The following TPTE2 variants were observed in gnomAD, a reference collection of about 807,000 sequenced individuals.
TPTE2 encodes the protein transmembrane phosphoinositide 3-phosphatase and tensin homolog 2, also known as phosphatidylinositol 3,4,5-trisphosphate 3-phosphatase TPTE2.
A neutral mutation model predicts 78.6 loss-of-function variants in TPTE2; 53 were observed. The ratio of observed to expected loss-of-function variants is 0.67; its 90% CI spans 0.54 to 0.85. The LOEUF (loss-of-function observed/expected upper bound fraction) is 0.85, where lower values mean the gene tolerates loss of function less well. TPTE2 is among the 40% of genes least tolerant of loss of function. The pLI is 0.00. For synonymous variants in TPTE2, 175 were observed against 206.2 expected (o/e 0.85, Z 1.30); for missense variants, 461 against 623.0 (o/e 0.74, Z 2.77).
chr13:19,504,296 T>C (rs1364098314), upstream of TPTE2, among the ~76,000 whole-genome samples: 5 of 152,114 alleles, frequency 3.3e-5, no homozygotes, highest in African/African-American at 1.2e-4. Context: ...ACAAATCCCC[T>C]TGACCTCATC....
chr13:19,437,664 G>C (rs139877070), intron 14 of TPTE2, among the ~76,000 whole-genome samples: 1,646 of 152,224 alleles, frequency 0.011, 31 homozygotes, highest in African/African-American at 0.036. Flanking sequence ...AGGGAAGCAT[G>C]TTGATTACTG....
At chr13:19,553,146 ATACTGAG>A in the TPTE2 span, among the ~76,000 whole-genome samples, 1 of 151,876 alleles carries the variant, frequency 6.6e-6, no homozygotes, top group Non-Finnish European at 1.5e-5. Flanking sequence ...CTGCCAATGA[ATACTGAG>A]TACTTCCTCT....
intron 5 of TPTE2, among the ~76,000 whole-genome samples, chr13:19,474,647 A>G (rs1879828544): frequency 6.6e-6 from 1 of 152,232 alleles, no homozygotes; most frequent in Non-Finnish European, 1.5e-5. Flanking sequence ...CTTGAACTCT[A>G]AAGTACTTCC....
chr13:19,533,736 G>C (rs1042146418), intron 1 of TPTE2, among the ~76,000 whole-genome samples: 17 of 152,186 alleles, frequency 1.1e-4, no homozygotes, highest in African/African-American at 3.6e-4. Flanking sequence ...TCATGGCAGG[G>C]ATTTGAACTG....
rs1446496385 is a variant in TPTE2 at position 19,486,805 on chromosome 13, T to C, written c.120-4258A>G. ...TGACTTCTCAGCTGTCCTGGATGTG[T>C]TTCTGCTGGGGGTAGTCCATAGAGC... is the stretch of plus-strand genomic sequence containing the variant. On this transcript the variant is annotated intron_variant, in intron 3 of 19. Coordinates refer to ENST00000400230, the Ensembl canonical transcript of TPTE2. This position sits in a 1 kb window ranked among gnomAD's most constrained non-coding sequence, Gnocchi z 4.3. 8.5e-5 allele frequency among the ~76,000 whole-genome samples: 13 copies of C among 152,222 alleles called. No homozygotes were observed. Among genetic ancestry groups the C allele is most frequent in the Admixed American group, 5.9e-4 (9 of 15,302 alleles).
chr13:19,506,160 C>CT (rs71092369), upstream of TPTE2, among the ~76,000 whole-genome samples: 1,556 of 32,580 alleles, frequency 0.048, 630 homozygotes, highest in African/African-American at 0.13. Context: ...GTATATAAAT[C>CT]TTTTTTTTTT....
chr13:19,454,504 G>C (rs1207436432), intron 10 of TPTE2, among the ~76,000 whole-genome samples: 1 of 152,146 alleles, frequency 6.6e-6, no homozygotes, highest in African/African-American at 2.4e-5. Flanking sequence ...CTTAGATTTG[G>C]GGCTGCACTC....
chr13:19,498,215 A>T (rs554476589), intron 1 of TPTE2, among the ~76,000 whole-genome samples: 1 of 152,298 alleles, frequency 6.6e-6, no homozygotes, highest in Admixed American at 6.5e-5. Context: ...CCAAGTTGGA[A>T]AAAACACTGC....
chr13:19,460,011 G>C (rs550784236), intron 10 of TPTE2, among the ~76,000 whole-genome samples: 64 of 152,330 alleles, frequency 4.2e-4, no homozygotes, highest in Admixed American at 1.0e-3. Flanking sequence ...GGGGCCTGCA[G>C]AATGATGCTG....
intron 1 of TPTE2, among the ~76,000 whole-genome samples, chr13:19,523,459 A>G (rs767959998): frequency 3.3e-5 from 5 of 152,044 alleles, no homozygotes; most frequent in Non-Finnish European, 7.4e-5. Flanking sequence ...TCACTTCCAA[A>G]TACACTTTTA....
the TPTE2 span, chr13:19,561,254 A>T: frequency 7.8e-7 from 1 of 1,286,094 alleles, no homozygotes; most frequent in Non-Finnish European, 1.1e-6. Context: ...ACCTGGCTGG[A>T]CATGGCGCTG....
intron 6 of TPTE2, among the ~76,000 whole-genome samples, chr13:19,472,216 T>A (rs1188711084): frequency 6.6e-6 from 1 of 152,172 alleles, no homozygotes; most frequent in East Asian, 1.9e-4. Flanking sequence ...TATCTTTCTG[T>A]AGGTTTGGGA....
the TPTE2 span, among the ~76,000 whole-genome samples, chr13:19,542,418 C>A: frequency 6.6e-6 from 1 of 152,120 alleles, no homozygotes; most frequent in Non-Finnish European, 1.5e-5. Flanking sequence ...TAAATCTGGA[C>A]AGAAATTTAT....
chr13:19,457,326 C>T (rs1465491706), intron 10 of TPTE2, among the ~76,000 whole-genome samples: 2 of 152,220 alleles, frequency 1.3e-5, no homozygotes, highest in Middle Eastern at 3.4e-3. Context: ...ATAATGTATA[C>T]GTATGTACAT....
intron 10 of TPTE2, 122 bp downstream of exon 13, chr13:19,464,334 T>C (rs2137563398): frequency 1.9e-6 from 2 of 1,057,304 alleles, no homozygotes; most frequent in East Asian, 2.5e-5. Context: ...TCCATTATGA[T>C]TTTTTTACTT....
intron 6 of TPTE2, among the ~76,000 whole-genome samples, chr13:19,473,117 C>A (rs755725468): frequency 6.6e-6 from 1 of 152,214 alleles, no homozygotes; most frequent in African/African-American, 2.4e-5. Context: ...CACAAGCACC[C>A]CTGTGGCCAC....
At chr13:19,435,463 CG>C (rs1737204087) in intron 15 of TPTE2, among the ~76,000 whole-genome samples, 1 of 151,906 alleles carries the variant, frequency 6.6e-6, no homozygotes, top group South Asian at 2.1e-4. Context: ...TGGGAAAGAA[CG>C]GATGAAACGT....
In TPTE2 at chr13:19,535,305, C is replaced by T. The variant is rs985959615; in HGVS notation, c.-44+1291G>A. 2.0e-5 allele frequency among the ~76,000 whole-genome samples: 3 copies of T among 151,772 alleles called. No individual in the cohort carries two copies. The highest frequency in any genetic ancestry group is 2.1e-4 in the South Asian group (1 of 4,790). ...AGAACCAAATGTATAAATAGTCAAA[C>T]GAAGGATGTTTTTAACAACATGGTC... On this transcript the variant is annotated intron_variant, in intron 1 of 17. Coordinates refer to the TPTE2 transcript ENST00000390680. This position sits in a 1 kb window ranked among gnomAD's most constrained non-coding sequence, Gnocchi z 5.1.
At chr13:19,453,538 CATATATATATATAT>C (rs56140648) in intron 10 of TPTE2, among the ~76,000 whole-genome samples, 4 of 140,164 alleles carry the variant, frequency 2.9e-5, no homozygotes, top group Non-Finnish European at 4.5e-5. Context: ...ATTTTATAAT[CATATATATATATAT>C]ATATATATAT....
Sources: gnomAD v4.1 joint callset for allele counts (sites outside exome capture counted in the v4.1 genomes callset) on GRCh38, gnomAD v4.1.1 for gene constraint, Gnocchi (gnomAD v3.1) non-coding constraint, MANE v1.5 for transcripts, NCBI Gene and HGNC (gene_info 2026-07-23, HGNC 2026-07-21) for gene names.